The following KAZN variants were observed in gnomAD, a reference collection of about 807,000 sequenced individuals.
KAZN encodes the protein kazrin, periplakin interacting protein.
A neutral mutation model predicts 87.4 loss-of-function variants in KAZN; 40 were observed. The observed-to-expected ratio is 0.46, with a 90% confidence interval of 0.36 to 0.60. The LOEUF (loss-of-function observed/expected upper bound fraction) is 0.60. KAZN is among the 20% of genes least tolerant of loss of function. The probability of loss-of-function intolerance (pLI) is 0.00; values close to 1 mark genes in which losing one functional copy is unlikely to be tolerated. For missense variants in KAZN, 898 were observed against 1,073.9 expected (o/e 0.84, Z 2.29); for synonymous variants, 466 against 458.3 (o/e 1.02, Z -0.22).
At chr1:14,905,534 C>T (rs1024210741) in intron 1 of KAZN, among the ~76,000 whole-genome samples, 2 of 152,164 alleles carry the variant, frequency 1.3e-5, no homozygotes, top group African/African-American at 4.8e-5. Flanking sequence ...ATATTTCATG[C>T]AAATAGTTCA....
intron 2 of KAZN, among the ~76,000 whole-genome samples, chr1:14,459,612 T>G (rs74059528): frequency 1.3e-5 from 2 of 152,092 alleles, no homozygotes; most frequent in African/African-American, 4.8e-5. Flanking sequence ...CAATTAACCA[T>G]GTCTCCCCTG....
chr1:14,825,369 T>C (rs1159758924), intron 1 of KAZN, among the ~76,000 whole-genome samples: 1 of 152,238 alleles, frequency 6.6e-6, no homozygotes, highest in African/African-American at 2.4e-5. Context: ...TTTGCTGTTT[T>C]ATCTTTCTCG....
At chr1:14,701,205 C>T (rs1641901786) in intron 1 of KAZN, among the ~76,000 whole-genome samples, 1 of 152,200 alleles carries the variant, frequency 6.6e-6, no homozygotes, top group African/African-American at 2.4e-5. Context: ...CACTTAAGCC[C>T]AACCTCCTGG....
intron 2 of KAZN, among the ~76,000 whole-genome samples, chr1:14,509,371 T>A (rs1670779810): frequency 6.6e-6 from 1 of 152,184 alleles, no homozygotes; most frequent in African/African-American, 2.4e-5. Context: ...CACACCTAGA[T>A]CTTTCTACCA....
At chr1:14,916,777 G>A (rs1209645944) in intron 1 of KAZN, among the ~76,000 whole-genome samples, 4 of 152,092 alleles carry the variant, frequency 2.6e-5, no homozygotes, top group Admixed American at 2.0e-4. Context: ...GCTGGGCATG[G>A]TGGTGGCACA....
At chr1:15,034,200 G>A (rs1672015980) in intron 2 of KAZN, among the ~76,000 whole-genome samples, 1 of 152,168 alleles carries the variant, frequency 6.6e-6, no homozygotes, top group Non-Finnish European at 1.5e-5. Flanking sequence ...AAACACAAAC[G>A]GTTTTAATTT....
At chr1:14,535,553 C>G (rs2148487357) in intron 2 of KAZN, among the ~76,000 whole-genome samples, 1 of 152,254 alleles carries the variant, frequency 6.6e-6, no homozygotes, top group East Asian at 1.9e-4. Context: ...GTAATCCCAG[C>G]TCCTCGGGAG....
At chr1:14,891,857 G>C in intron 1 of KAZN, among the ~76,000 whole-genome samples, 1 of 152,102 alleles carries the variant, frequency 6.6e-6, no homozygotes, top group East Asian at 1.9e-4. Context: ...AGAAATCTCT[G>C]AAGTTATTTC....
chr1:14,963,673 GT>G (rs1664140822), intron 2 of KAZN, among the ~76,000 whole-genome samples: 1 of 152,134 alleles, frequency 6.6e-6, no homozygotes, highest in Non-Finnish European at 1.5e-5. Flanking sequence ...TGTGCAGAAC[GT>G]GCAGGTTTGT....
chr1:13,988,257 T>C (rs191352859), intron 1 of KAZN, among the ~76,000 whole-genome samples: 4 of 152,260 alleles, frequency 2.6e-5, no homozygotes, highest in Admixed American at 2.0e-4. Flanking sequence ...TACCAAATCA[T>C]TCATATTTAA....
rs530327002 is a variant in KAZN, at chr1:15,077,701, A to G, written c.1222+11948A>G. Among the ~76,000 whole-genome samples the G allele has an allele frequency of 2.0e-5, 3 of 152,216 alleles. No individual in the cohort carries two copies. The highest frequency in any genetic ancestry group is 3.9e-4 in the East Asian group (2 of 5,166). ...GGTGAAGATGTTGATGGGCCTGACA[A>G]TAGGGTGACTCCGTATTATCCAAGA... On this transcript the variant is annotated intron_variant, in intron 8 of 14. Transcript: ENST00000376030. The surrounding 1 kb of genome is among the most constrained non-coding windows in gnomAD (Gnocchi z 4.8).
intron 2 of KAZN, among the ~76,000 whole-genome samples, chr1:14,987,918 C>T (rs187766108): frequency 1.3e-5 from 2 of 152,306 alleles, no homozygotes; most frequent in East Asian, 3.9e-4. Context: ...AGCCACAGGA[C>T]ATGCTGGCAG....
At chr1:14,745,456 T>C (rs1256630402) in intron 1 of KAZN, among the ~76,000 whole-genome samples, 1 of 152,006 alleles carries the variant, frequency 6.6e-6, no homozygotes, top group East Asian at 1.9e-4. Flanking sequence ...ACCGTGAGAA[T>C]GGGGGGAAGT....
chr1:14,587,147 C>T (rs1434911083), intron 2 of KAZN, among the ~76,000 whole-genome samples: 1 of 152,032 alleles, frequency 6.6e-6, no homozygotes, highest in East Asian at 1.9e-4. Flanking sequence ...GGGTAATTGA[C>T]AAAAGGGGCC....
intron 2 of KAZN, among the ~76,000 whole-genome samples, chr1:14,372,785 A>G (rs1300572037): frequency 1.3e-5 from 2 of 152,236 alleles, no homozygotes; most frequent in African/African-American, 2.4e-5. Flanking sequence ...CACTCACAAT[A>G]CATGTATTCA....
intron 2 of KAZN, among the ~76,000 whole-genome samples, chr1:14,203,691 A>T (rs996846621): frequency 1.3e-5 from 2 of 152,326 alleles, no homozygotes; most frequent in Non-Finnish European, 2.9e-5. Context: ...CAATAAACTT[A>T]GGTACAACTC....
chr1:15,059,263 A>T (rs140901289), intron 5 of KAZN, among the ~76,000 whole-genome samples: 3 of 152,224 alleles, frequency 2.0e-5, no homozygotes, highest in African/African-American at 7.2e-5. Flanking sequence ...ATAAGAACCA[A>T]CAAGACAGGG....
chr1:14,384,311 T>G (rs1449081519), intron 2 of KAZN, among the ~76,000 whole-genome samples: 4 of 152,040 alleles, frequency 2.6e-5, no homozygotes, highest in Non-Finnish European at 4.4e-5. Context: ...CTTTATTTCC[T>G]TCTCCTGCCT....
chr1:14,378,288 C>T (rs1176267723), intron 2 of KAZN, among the ~76,000 whole-genome samples: 1 of 150,152 alleles, frequency 6.7e-6, no homozygotes, highest in African/African-American at 2.4e-5. Flanking sequence ...AAGCCACCTA[C>T]AATAAAAGGC....
Sources: gnomAD v4.1 joint callset for allele counts (sites outside exome capture counted in the v4.1 genomes callset) on GRCh38, gnomAD v4.1.1 for gene constraint, Gnocchi (gnomAD v3.1) non-coding constraint, MANE v1.5 for transcripts, NCBI Gene and HGNC (gene_info 2026-07-23, HGNC 2026-07-21) for gene names.